The following GALM variants were observed in gnomAD, a reference collection of about 807,000 sequenced individuals.
The protein encoded by GALM is aldose 1-epimerase.
In GALM, 43 loss-of-function variants were observed where a neutral mutation model predicts 37.4. The observed-to-expected ratio is 1.15, with a 90% CI of 0.90 to 1.48. The LOEUF is 1.48. Among genes scored for constraint, GALM ranks in the 40% most tolerant of loss-of-function variants. The pLI, the probability that GALM is intolerant of heterozygous loss-of-function variation, is 0.00. For missense variants in GALM, 456 were observed against 419.1 expected (o/e 1.09, Z -0.77); for synonymous variants, 199 against 170.6 (o/e 1.17, Z -1.30).
At chr2:38,678,286 AG>A (rs754747675) in intron 2 of GALM, among the ~76,000 whole-genome samples, 1 of 152,164 alleles carries the variant, frequency 6.6e-6, no homozygotes, top group African/African-American at 2.4e-5. Context: ...CTGGGATTAC[AG>A]GCATGATCCA....
chr2:38,720,739 A>ATGTTGGC (rs1239344025), intron 4 of GALM, among the ~76,000 whole-genome samples: 3 of 152,170 alleles, frequency 2.0e-5, no homozygotes, highest in Non-Finnish European at 4.4e-5. Context: ...CTGGCAGTTG[A>ATGTTGGC]TGTTGGCTGT....
intron 3 of GALM, among the ~76,000 whole-genome samples, chr2:38,686,484 C>CT (rs1409194991): frequency 6.6e-6 from 1 of 151,794 alleles, no homozygotes. Flanking sequence ...CCAGGATGGT[C>CT]TGATCTCCTG....
chr2:38,696,393 A>T (rs1665805016), intron 4 of GALM, among the ~76,000 whole-genome samples: 1 of 151,684 alleles, frequency 6.6e-6, no homozygotes. Context: ...TGCTGGGATC[A>T]CAGGCATGAG....
intron 4 of GALM, among the ~76,000 whole-genome samples, chr2:38,720,462 G>A (rs969205591): frequency 1.3e-5 from 2 of 149,724 alleles, no homozygotes; most frequent in Admixed American, 6.7e-5. Flanking sequence ...GGGCAAGGAG[G>A]AGCCAGGGAG....
At chr2:38,690,200 G>A (rs941112632) in intron 4 of GALM, among the ~76,000 whole-genome samples, 8 of 151,956 alleles carry the variant, frequency 5.3e-5, no homozygotes, top group East Asian at 1.9e-4. Context: ...GGCTGGGCGC[G>A]GTGGCTCACG....
At chr2:38,726,652 A>G (rs1438627756) in intron 4 of GALM, among the ~76,000 whole-genome samples, 2 of 152,058 alleles carry the variant, frequency 1.3e-5, no homozygotes, top group Non-Finnish European at 2.9e-5. Context: ...GCTCCTGCCT[A>G]TAATCCCAGC....
At position 38,696,433 on chromosome 2, in the gene GALM, C is replaced by CTTT. The variant is rs35556554; in HGVS notation, c.634+6554_634+6556dup. On this transcript the variant is annotated intron_variant, in intron 4 of 6. Coordinates refer to ENST00000272252, the MANE Select transcript of GALM (RefSeq NM_138801.3). ...TGTGTCCAGCTTTTCTTTTTCTTTT[C>CTTT]TTTTTTTTTTTTTTTTTGAGACAGG... Among the ~76,000 whole-genome samples the CTTT allele has an allele frequency of 3.6e-4, 49 of 136,540 alleles. 1 individual carries two copies. The highest frequency in any genetic ancestry group is 9.2e-4 in the South Asian group (4 of 4,340). The allele number at this position is 136,540 out of a possible 152,430, so 89.6% of individuals were successfully genotyped here.
chr2:38,727,427 G>C (rs1460970228), intron 4 of GALM, among the ~76,000 whole-genome samples: 1 of 151,744 alleles, frequency 6.6e-6, no homozygotes, highest in Non-Finnish European at 1.5e-5. Flanking sequence ...CAGCAGTTCT[G>C]AGTTTAAGAA....
intron 4 of GALM, among the ~76,000 whole-genome samples, chr2:38,714,319 A>G (rs1157038607): frequency 6.6e-6 from 1 of 151,652 alleles, no homozygotes; most frequent in Non-Finnish European, 1.5e-5. Flanking sequence ...GGCTCAAGCA[A>G]TTTTCCTGCT....
In GALM at chr2:38,676,055, G is replaced by T; in HGVS notation, c.334G>T (p.Gly112Trp). Residue 112 changes from glycine (G) to tryptophan (W), a missense_variant, in exon 2 of 7, where the codon GGG (glycine) becomes TGG (tryptophan). Physicochemically the swap from Gly to Trp is radical, Grantham distance 184 (BLOSUM62 -2). Coordinates refer to ENST00000272252, the MANE Select transcript of GALM (RefSeq NM_138801.3). ...EPNSLHGGVR[G>W]FDKVLWTPRV... ...CAACAGTCTGCATGGAGGAGTCAGA[G>T]GGTTTGATAAAGTAAGTACGGCACA... 6.2e-7 allele frequency: 1 copy of T among 1,614,078 alleles called. No homozygotes were observed. Among genetic ancestry groups the T allele is most frequent in the Non-Finnish European group, 8.5e-7 (1 of 1,180,012 alleles).
intron 3 of GALM, among the ~76,000 whole-genome samples, chr2:38,686,263 T>A (rs1381832236): frequency 8.7e-6 from 1 of 115,530 alleles, no homozygotes; most frequent in Non-Finnish European, 1.7e-5. Context: ...TTTCTTTCTT[T>A]CTTTCTTTCT....
At chr2:38,666,578 G>C (rs1025663443) in intron 1 of GALM, among the ~76,000 whole-genome samples, 1 of 152,206 alleles carries the variant, frequency 6.6e-6, no homozygotes, top group Non-Finnish European at 1.5e-5. Flanking sequence ...TATCCGTTCA[G>C]GCTTTGCCCC....
At chr2:38,711,929 A>T (rs1269102834) in intron 4 of GALM, among the ~76,000 whole-genome samples, 2 of 139,808 alleles carry the variant, frequency 1.4e-5, no homozygotes, top group Non-Finnish European at 3.1e-5. Flanking sequence ...AATTCTCATA[A>T]CAACTCCATG....
intron 2 of GALM, among the ~76,000 whole-genome samples, chr2:38,677,227 T>C (rs1330615018): frequency 6.6e-6 from 1 of 152,204 alleles, no homozygotes; most frequent in Non-Finnish European, 1.5e-5. Flanking sequence ...AGTAGTTAAC[T>C]TTCTTTTAAA....
chr2:38,692,661 T>G (rs938246435), intron 4 of GALM, among the ~76,000 whole-genome samples: 6 of 152,188 alleles, frequency 3.9e-5, no homozygotes, highest in South Asian at 2.1e-4. Flanking sequence ...TCTCTAGGAG[T>G]TGGCAGTCTA....
intron 4 of GALM, among the ~76,000 whole-genome samples, chr2:38,728,060 A>C (rs570658337): frequency 2.0e-5 from 3 of 152,142 alleles, no homozygotes; most frequent in Non-Finnish European, 2.9e-5. Flanking sequence ...TAACATTTGC[A>C]TTTACCTTTA....
intron 4 of GALM, among the ~76,000 whole-genome samples, chr2:38,716,721 G>A (rs1666275960): frequency 1.3e-5 from 2 of 152,206 alleles, no homozygotes; most frequent in South Asian, 4.1e-4. Context: ...GTGTGTGCTT[G>A]TAGTCCCAGC....
intron 5 of GALM, 61 bp downstream of exon 5, chr2:38,729,758 T>C (rs1178566771): frequency 1.4e-6 from 2 of 1,405,164 alleles, no homozygotes; most frequent in African/African-American, 1.4e-5. Context: ...CCTATTTTCC[T>C]TTGGAGCTTT....
intron 4 of GALM, 120 bp downstream of exon 4, chr2:38,690,014 A>G: frequency 1.7e-6 from 1 of 601,912 alleles, no homozygotes; most frequent in Non-Finnish European, 3.0e-6. Context: ...AGTTAATAGA[A>G]TTATTCTAGT....
Sources: allele counts gnomAD v4.1 joint callset (sites outside exome capture counted in the v4.1 genomes callset), GRCh38; gene constraint gnomAD v4.1.1; transcripts MANE v1.5; gene names NCBI Gene and HGNC (gene_info 2026-07-23, HGNC 2026-07-21).